The following CCT5 variants were observed in gnomAD, a reference collection of about 807,000 sequenced individuals.
The protein encoded by CCT5 is chaperonin containing TCP1 subunit 5.
A neutral mutation model predicts 55.0 loss-of-function variants in CCT5; 6 were observed. That is an observed-to-expected ratio of 0.11 (90% CI 0.06 to 0.22). CCT5 has a LOEUF of 0.22. Among genes scored for constraint, CCT5 ranks in the 10% least tolerant of loss-of-function variants. The pLI, the probability that CCT5 is intolerant of heterozygous loss-of-function variation, is 1.00. For missense variants in CCT5, 560 were observed against 694.6 expected (o/e 0.81, Z 2.18); for synonymous variants, 231 against 243.7 (o/e 0.95, Z 0.49).
intron 7 of CCT5, 119 bp from the exon 8 acceptor site, chr5:10,261,441 G>A (rs771571667): frequency 3.2e-5 from 29 of 908,638 alleles, no homozygotes; most frequent in Admixed American, 1.3e-4. Context: ...GGTCAAAGTG[G>A]GGCAGCAGTT....
chr5:10,262,946 G>A (rs1208128816), intron 9 of CCT5, among the ~76,000 whole-genome samples, 188 bp from the exon 10 acceptor site: 1 of 152,150 alleles, frequency 6.6e-6, no homozygotes, highest in African/African-American at 2.4e-5. Context: ...TCACATGTAT[G>A]TATACCCTCT....
At position 10,265,106 on chromosome 5, in the gene CCT5, CAAAAT is replaced by C. The variant is rs1384225717; in HGVS notation, c.*326_*330del. 1 of 299,360 alleles carries C rather than the reference CAAAAT, an allele frequency of 3.3e-6. No homozygotes were observed. Among genetic ancestry groups the C allele is most frequent in the Admixed American group, 5.0e-5 (1 of 20,118 alleles). The allele number at this position is 299,360 out of a possible 1,614,324, so 18.5% of individuals were successfully genotyped here. A position where few individuals can be genotyped will look rare whatever the true frequency, so the allele number is the denominator to read the frequency against. ...GGGGTTTGGGTGGATTTTTTTTTCT[CAAAAT>C]AAGCTGTAGGGACTATTTTAACAGC... On this transcript the variant is annotated 3_prime_UTR_variant, in exon 11 of 11. Transcript: ENST00000280326.
Position 10,260,997 on chromosome 5 carries a change from A to T in CCT5, c.993+86A>T, listed in dbSNP as rs1295784427. ...TGTTTTGATAGCCCTGCCTTAAATA[A>T]CTGCATCACACCAAGGCTGGCAGAT... On this transcript the variant is annotated intron_variant, in intron 7 of 10. Transcript: ENST00000280326. The T allele has an allele frequency of 1.1e-5, 15 of 1,354,182 alleles. No individual in the cohort carries two copies. The East Asian group carries it at 3.5e-4, about 31-fold the overall frequency. The allele number at this position is 1,354,182 out of a possible 1,614,324, so 83.9% of individuals were successfully genotyped here. A position where few individuals can be genotyped will look rare whatever the true frequency, so the allele number is the denominator to read the frequency against.
In CCT5 at chr5:10,266,197, C is replaced by T. The variant is rs755174842; in HGVS notation, c.*1414C>T. On this transcript the variant is annotated 3_prime_UTR_variant, in exon 11 of 11. Coordinates refer to ENST00000280326, the MANE Select transcript of CCT5 (RefSeq NM_012073.5). ...GAACATACAGCAGCCTTCTTTGGAC[C>T]ACAGTCTTATCCGAGGGGTCTGTGG... 6.6e-6 allele frequency: 1 copy of T among 152,140 alleles called. No homozygotes were observed. Among genetic ancestry groups the T allele is most frequent in the Non-Finnish European group, 1.5e-5 (1 of 68,030 alleles). The allele number at this position is 152,140 out of a possible 1,614,324, so 9.4% of individuals were successfully genotyped here.
chr5:10,260,752 C>A (rs769716410), intron 6 of CCT5, 40 bp from the exon 7 acceptor site: 81 of 1,609,712 alleles, frequency 5.0e-5, no homozygotes, highest in Non-Finnish European at 6.5e-5. Flanking sequence ...GAATAAATAC[C>A]CACTTTCTCT....
At chr5:10,249,931 A>AAAC, upstream of CCT5, 34 of 649,760 alleles carry the variant, frequency 5.2e-5, 4 homozygotes, top group Non-Finnish European at 5.6e-5. Flanking sequence ...AAAAAAAAAA[A>AAAC]AAACCGGAAA....
At chr5:10,263,993 C>T (rs1407638812) in intron 10 of CCT5, among the ~76,000 whole-genome samples, 1 of 152,156 alleles carries the variant, frequency 6.6e-6, no homozygotes, top group Non-Finnish European at 1.5e-5. Context: ...ATTTCTAGGG[C>T]CGGGCGCAGT....
chr5:10,264,196 AC>A (rs1160401735), intron 10 of CCT5, among the ~76,000 whole-genome samples: 1 of 151,600 alleles, frequency 6.6e-6, no homozygotes, highest in East Asian at 1.9e-4. Flanking sequence ...AATCGCTTGA[AC>A]CCGGGACGCA....
At position 10,254,539 on chromosome 5, in the gene CCT5, A is replaced by G. The variant is rs560605152; in HGVS notation, c.167-135A>G. The G allele has an allele frequency of 3.6e-5, 28 of 782,576 alleles. 1 individual carries two copies. The highest frequency in any genetic ancestry group is 3.5e-4 in the Admixed American group (18 of 51,180). 48.5% of individuals were successfully genotyped at this position (782,576 alleles called of 1,614,324 possible). A position where few individuals can be genotyped will look rare whatever the true frequency, so the allele number is the denominator to read the frequency against. ...AATCTAAAAATGCCTTCATGCAGCT[A>G]CTATTTTGTGTATGTTGCATTATTT... is the stretch of plus-strand genomic sequence containing the variant. On this transcript the variant is annotated intron_variant, in intron 2 of 10. Coordinates refer to ENST00000280326, the MANE Select transcript of CCT5 (RefSeq NM_012073.5).
rs143211698 is a variant in CCT5 at position 10,263,080 on chromosome 5, G to A, written c.1318-54G>A. The A allele has an allele frequency of 2.4e-5, 35 of 1,462,664 alleles. 1 individual carries two copies. The Admixed American group carries it at 3.3e-4, about 14-fold the overall frequency. 90.6% of individuals were successfully genotyped at this position (1,462,664 alleles called of 1,614,324 possible). On this transcript the variant is annotated intron_variant, in intron 9 of 10. Coordinates refer to ENST00000280326, the MANE Select transcript of CCT5 (RefSeq NM_012073.5). ...GATACAGTTGTGTTTTCACGGTGCC[G>A]CTGGGTTGTTTTGTTTCGCCAAGTG...
In CCT5 at chr5:10,264,646, T is replaced by C; in HGVS notation, c.1499-10T>C. ...TATTTTAGGATAATCAGTGTCCTTG[T>C]ATTTTTCAGATATGAAGCAACAGCA... On this transcript the variant is annotated splice_polypyrimidine_tract_variant and intron_variant, in intron 10 of 10. Coordinates refer to ENST00000280326, the MANE Select transcript of CCT5 (RefSeq NM_012073.5). The C allele has an allele frequency of 6.3e-7, 1 of 1,577,278 alleles. No individual in the cohort carries two copies. The highest frequency in any genetic ancestry group is 8.7e-7 in the Non-Finnish European group (1 of 1,146,602).
chr5:10,264,287 T>C (rs1746120058), intron 10 of CCT5, among the ~76,000 whole-genome samples: 2 of 152,136 alleles, frequency 1.3e-5, no homozygotes, highest in African/African-American at 4.8e-5. Context: ...TTAGCATTTC[T>C]AGATCTTTCT....
Position 10,261,689 on chromosome 5 carries a change from G to A in CCT5, c.1123G>A (p.Glu375Lys), listed in dbSNP as rs139449863. 15 of 1,613,934 alleles carry A rather than the reference G, an allele frequency of 9.3e-6. No individual in the cohort carries two copies. Among genetic ancestry groups the A allele is most frequent in the South Asian group, 3.3e-5 (3 of 91,064 alleles). Residue 375 changes from glutamate to lysine, a missense_variant, in exon 8 of 11, where the codon GAG (glutamate) becomes AAG (lysine). Glu to Lys is a moderately conservative substitution (Grantham distance 56, BLOSUM62 1). Coordinates refer to ENST00000280326, the MANE Select transcript of CCT5 (RefSeq NM_012073.5). The stretch of plus-strand genomic sequence containing the variant: ...AACTAAGGATAAAATGCTGGTCATC[G>A]AGCAGTGTAAGAACTCCAGAGCTGT... ...GTTKDKMLVI[E>K]QCKNSRAVTI...
chr5:10,262,645 A>G (rs1470740601), intron 9 of CCT5, 27 bp downstream of exon 9: 2 of 1,613,340 alleles, frequency 1.2e-6, no homozygotes, highest in Admixed American at 1.7e-5. Context: ...GACTTAGTGA[A>G]AGATTCAGGC....
chr5:10,261,106 C>T, intron 7 of CCT5, 195 bp downstream of exon 7: 1 of 673,790 alleles, frequency 1.5e-6, no homozygotes, highest in Non-Finnish European at 2.7e-6. Flanking sequence ...TCTGGTGTTC[C>T]CTGGCATTTT....
chr5:10,250,573 C>CT (rs1745333237), intron 1 of CCT5, 128 bp downstream of exon 1: 1 of 1,505,502 alleles, frequency 6.6e-7, no homozygotes, highest in African/African-American at 1.4e-5. Context: ...CTCCGTCTCC[C>CT]TGCGGTCTCC....
chr5:10,264,903 A>T lies in CCT5; in HGVS notation c.*120A>T. The T allele has an allele frequency of 7.7e-7, 1 of 1,302,254 alleles. No individual in the cohort carries two copies. The highest frequency in any genetic ancestry group is 1.1e-6 in the Non-Finnish European group (1 of 923,488). 80.7% of individuals were successfully genotyped at this position (1,302,254 alleles called of 1,614,324 possible). On this transcript the variant is annotated 3_prime_UTR_variant, in exon 11 of 11. Transcript: ENST00000280326. The stretch of plus-strand genomic sequence containing the variant: ...TTCCAGACACTGTAGATGCTATAAT[A>T]AAAATAGCTGTTTGGTAACCATAGT...
chr5:10,257,380 A>G (rs1165482637), intron 4 of CCT5, among the ~76,000 whole-genome samples: 2 of 152,232 alleles, frequency 1.3e-5, no homozygotes, highest in Non-Finnish European at 2.9e-5. Flanking sequence ...AAGTGTACAA[A>G]TCAGTTTTCT....
At chr5:10,257,917 C>G in intron 4 of CCT5, 194 bp from the exon 5 acceptor site, 2 of 626,856 alleles carry the variant, frequency 3.2e-6, no homozygotes, top group Non-Finnish European at 2.8e-6. Context: ...GTATACAGTC[C>G]CCTTTAGGGC....
Sources: gnomAD v4.1 joint callset for allele counts (sites outside exome capture counted in the v4.1 genomes callset) on GRCh38, gnomAD v4.1.1 for gene constraint, MANE v1.5 for transcripts, NCBI Gene and HGNC (gene_info 2026-07-23, HGNC 2026-07-21) for gene names.